The following ERBB4 variants were observed in gnomAD, a reference collection of about 807,000 sequenced individuals.
The protein encoded by ERBB4 is erb-b2 receptor tyrosine kinase 4.
ERBB4 carries 42 observed loss-of-function variants against 158.0 expected under a neutral mutation model. The ratio of observed to expected loss-of-function variants is 0.27; its 90% CI spans 0.21 to 0.34. ERBB4 has a LOEUF of 0.34. Ranked by LOEUF, ERBB4 falls within the 10% of genes least tolerant of loss-of-function variation. ERBB4 has a pLI of 1.00. For synonymous variants in ERBB4, 583 were observed against 558.7 expected (o/e 1.04, Z -0.61); for missense variants, 1,333 against 1,624.1 (o/e 0.82, Z 3.08).
chr2:212,034,099 T>C (rs927509287), intron 2 of ERBB4, among the ~76,000 whole-genome samples: 4 of 151,904 alleles, frequency 2.6e-5, no homozygotes, highest in African/African-American at 9.7e-5. Context: ...CTGAAGATAG[T>C]ATACTTCCCA....
intron 4 of ERBB4, among the ~76,000 whole-genome samples, chr2:211,759,974 T>C (rs1387390788): frequency 6.6e-6 from 1 of 152,212 alleles, no homozygotes; most frequent in East Asian, 1.9e-4. Flanking sequence ...CCTTCCGTCA[T>C]ATAGACATGC....
chr2:212,058,096 G>C (rs1021704462), intron 2 of ERBB4, among the ~76,000 whole-genome samples: 1 of 151,972 alleles, frequency 6.6e-6, no homozygotes, highest in African/African-American at 2.4e-5. Context: ...AATAAAAAAT[G>C]ATAAAGGGGA....
intron 1 of ERBB4, among the ~76,000 whole-genome samples, chr2:212,513,238 G>A (rs916747909): frequency 2.0e-5 from 3 of 152,114 alleles, no homozygotes; most frequent in African/African-American, 7.2e-5. Context: ...CAATAAGTAT[G>A]TGCTGAATGA....
chr2:211,737,921 T>C (rs2074656182), intron 5 of ERBB4, among the ~76,000 whole-genome samples: 1 of 152,154 alleles, frequency 6.6e-6, no homozygotes, highest in African/African-American at 2.4e-5. Context: ...TGTATGAATA[T>C]ACCCTGAATC....
chr2:211,552,420 AT>A (rs1344691090), intron 20 of ERBB4, among the ~76,000 whole-genome samples: 5 of 151,964 alleles, frequency 3.3e-5, no homozygotes, highest in East Asian at 1.9e-4. Context: ...ATTTTTTAAA[AT>A]TTTTTTTGGA....
intron 25 of ERBB4, among the ~76,000 whole-genome samples, chr2:211,414,453 G>A (rs569946165): frequency 1.4e-4 from 20 of 146,620 alleles, no homozygotes; most frequent in East Asian, 1.0e-3. Flanking sequence ...CTGAGATTGC[G>A]TCACTGCACT....
At chr2:212,183,320 C>A (rs1457676942) in intron 1 of ERBB4, among the ~76,000 whole-genome samples, 1 of 151,836 alleles carries the variant, frequency 6.6e-6, no homozygotes, top group Non-Finnish European at 1.5e-5. Context: ...TATGCTAATG[C>A]CAATGTTGAA....
At chr2:211,870,169 C>A (rs2078308757) in intron 3 of ERBB4, among the ~76,000 whole-genome samples, 1 of 151,940 alleles carries the variant, frequency 6.6e-6, no homozygotes, top group Admixed American at 6.6e-5. Flanking sequence ...TTTAGCATTC[C>A]ATAAATTTGG....
intron 23 of ERBB4, among the ~76,000 whole-genome samples, chr2:211,423,175 G>T (rs1455185451): frequency 6.6e-6 from 1 of 151,990 alleles, no homozygotes; most frequent in Admixed American, 6.6e-5. Context: ...GTTAACCACA[G>T]TTGAGGTATC....
intron 20 of ERBB4, among the ~76,000 whole-genome samples, chr2:211,471,863 T>A (rs1290011418): frequency 6.6e-6 from 1 of 152,016 alleles, no homozygotes; most frequent in African/African-American, 2.4e-5. Flanking sequence ...CAAAAGATAA[T>A]TCTGGCAGTG....
At chr2:211,549,825 C>T (rs2125699185) in intron 20 of ERBB4, among the ~76,000 whole-genome samples, 1 of 152,100 alleles carries the variant, frequency 6.6e-6, no homozygotes, top group East Asian at 1.9e-4. Context: ...ACCAGCAGTA[C>T]CTTTATGAGC....
chr2:211,404,182 C>T (rs1206598258), intron 25 of ERBB4, among the ~76,000 whole-genome samples: 1 of 152,058 alleles, frequency 6.6e-6, no homozygotes, highest in Non-Finnish European at 1.5e-5. Context: ...CCTACCGGAG[C>T]TCAACTCTTG....
intron 3 of ERBB4, among the ~76,000 whole-genome samples, chr2:211,815,344 A>G (rs1394494380): frequency 6.6e-6 from 1 of 152,244 alleles, no homozygotes; most frequent in Non-Finnish European, 1.5e-5. Context: ...CATAGGAATA[A>G]CTTTATAATA....
At chr2:211,725,797 T>C (rs1246123655) in intron 5 of ERBB4, among the ~76,000 whole-genome samples, 2 of 149,218 alleles carry the variant, frequency 1.3e-5, no homozygotes, top group Non-Finnish European at 3.0e-5. Context: ...GTTAAGTTAA[T>C]TCACATAATA....
chr2:211,867,024 CAAAAAAAAAAAAAAAA>C (rs386392490), intron 3 of ERBB4, among the ~76,000 whole-genome samples: 3,131 of 60,826 alleles, frequency 0.051, 119 homozygotes, highest in Admixed American at 0.13. Flanking sequence ...TCCTTAAAAC[CAAAAAAAAAAAAAAAA>C]AAAAAAAAAA....
chr2:211,682,597 T>C (rs2072396664), intron 12 of ERBB4, among the ~76,000 whole-genome samples: 1 of 152,216 alleles, frequency 6.6e-6, no homozygotes, highest in Admixed American at 6.5e-5. Flanking sequence ...TATATGGATA[T>C]TCAATATTTC....
intron 1 of ERBB4, among the ~76,000 whole-genome samples, chr2:212,330,755 T>G (rs2088100588): frequency 1.3e-5 from 2 of 152,028 alleles, no homozygotes; most frequent in Admixed American, 1.3e-4. Flanking sequence ...TTTTTAGAGA[T>G]AACTACTGTG....
chr2:211,567,893 A>T (rs1230071918), intron 19 of ERBB4, among the ~76,000 whole-genome samples: 2 of 152,064 alleles, frequency 1.3e-5, no homozygotes, highest in East Asian at 3.9e-4. Flanking sequence ...TGAGTGGGAT[A>T]AAAAAGGGAA....
chr2:212,463,347 T>C (rs1688668232), intron 1 of ERBB4, among the ~76,000 whole-genome samples: 1 of 152,190 alleles, frequency 6.6e-6, no homozygotes, highest in South Asian at 2.1e-4. Flanking sequence ...AAGTGTAAAA[T>C]AGCACAATGT....
Sources: gnomAD v4.1 joint callset for allele counts (sites outside exome capture counted in the v4.1 genomes callset) on GRCh38, gnomAD v4.1.1 for gene constraint, MANE v1.5 for transcripts, NCBI Gene and HGNC (gene_info 2026-07-23, HGNC 2026-07-21) for gene names.